Variants in PHKB observed in about 807,000 individuals in gnomAD.
PHKB encodes phosphorylase kinase regulatory subunit beta, also known as phosphorylase b kinase regulatory subunit beta.
In PHKB, 122 loss-of-function variants were observed where a neutral mutation model predicts 152.1. The ratio of observed to expected loss-of-function variants is 0.80; its 90% CI spans 0.69 to 0.93. PHKB has a LOEUF of 0.93. Among genes scored for constraint, PHKB ranks in the 40% least tolerant of loss-of-function variants. The probability of loss-of-function intolerance (pLI) is 0.00; values close to 1 mark genes in which losing one functional copy is unlikely to be tolerated. For missense variants in PHKB, 1,304 were observed against 1,328.4 expected (o/e 0.98, Z 0.29); for synonymous variants, 436 against 464.9 (o/e 0.94, Z 0.80).
intron 13 of PHKB, among the ~76,000 whole-genome samples, chr16:47,598,194 T>C (rs1972156896): frequency 6.6e-6 from 1 of 152,176 alleles, no homozygotes; most frequent in South Asian, 2.1e-4. Flanking sequence ...CAGCCACTTG[T>C]GCTATTTTAT....
rs764531985 is a variant in PHKB at position 47,547,450 on chromosome 16, C to A, written c.612C>A (p.Asn204Lys). Residue 204 changes from asparagine (N) to lysine (K), a missense_variant, in exon 7 of 31, where the codon AAC (asparagine) becomes AAA (lysine). By Grantham distance (94) the Asn-to-Lys change is moderately conservative (BLOSUM62 0). Coordinates refer to ENST00000323584, the MANE Select transcript of PHKB (RefSeq NM_000293.3). ...TCTTTTAGGTCTCTTTTATTCAAAACCTTGTATTTTGTGTGGAAAGAGTTT... is the reference window on the plus strand; with the variant it reads ...TCTTTTAGGTCTCTTTTATTCAAAAACTTGTATTTTGTGTGGAAAGAGTTT... ...YNTDEVSFIQNLVFCVERVYR... is the reference protein window; with the variant it reads ...YNTDEVSFIQKLVFCVERVYR... 8 of 1,606,618 alleles carry A rather than the reference C, an allele frequency of 5.0e-6. No individual in the cohort carries two copies. The highest frequency in any genetic ancestry group is 6.8e-6 in the Non-Finnish European group (8 of 1,173,410).
chr16:47,658,726 ACT>A (rs1409673393), intron 20 of PHKB, among the ~76,000 whole-genome samples: 2 of 151,650 alleles, frequency 1.3e-5, no homozygotes, highest in Non-Finnish European at 2.9e-5. Flanking sequence ...GTGTAAGTAC[ACT>A]CTATGGGTGT....
At chr16:47,485,159 T>C (rs1970028633) in intron 1 of PHKB, among the ~76,000 whole-genome samples, 1 of 152,244 alleles carries the variant, frequency 6.6e-6, no homozygotes, top group African/African-American at 2.4e-5. Context: ...TGTCTTAACA[T>C]ACTTCATTGA....
In PHKB at chr16:47,700,269, G is replaced by C. The variant is rs1974224407; in HGVS notation, c.*903G>C. On this transcript the variant is annotated 3_prime_UTR_variant, in exon 31 of 31. Transcript: ENST00000323584. ...GGAGGCTGAGGCATGAGAATTGCTTGAACCAGGAGACGGAGGTTGCAGTGA... is the reference window on the plus strand; with the variant it reads ...GGAGGCTGAGGCATGAGAATTGCTTCAACCAGGAGACGGAGGTTGCAGTGA... The C allele has an allele frequency of 6.8e-6, 1 of 147,794 alleles. No homozygotes were observed. Among genetic ancestry groups the C allele is most frequent in the African/African-American group, 2.5e-5 (1 of 40,004 alleles). 9.2% of individuals were successfully genotyped at this position (147,794 alleles called of 1,614,324 possible).
At chr16:47,676,522 A>T (rs528547803) in intron 26 of PHKB, 2 of 152,298 alleles carry the variant, frequency 1.3e-5, no homozygotes, top group African/African-American at 4.8e-5. Flanking sequence ...ATTCCCTTGC[A>T]TTGAGTATAC....
chr16:47,587,561 G>A, intron 8 of PHKB, 107 bp from the exon 9 acceptor site: 1 of 751,300 alleles, frequency 1.3e-6, no homozygotes, highest in Admixed American at 2.1e-5. Flanking sequence ...CCACACTCAA[G>A]ATGCAGACAA....
intron 6 of PHKB, among the ~76,000 whole-genome samples, chr16:47,546,274 G>A (rs1971162318): frequency 6.6e-6 from 1 of 152,144 alleles, no homozygotes; most frequent in Non-Finnish European, 1.5e-5. Context: ...TGGGGTTTTG[G>A]TGTGGATGTC....
At chr16:47,691,525 C>T (rs750764308) in intron 27 of PHKB, among the ~76,000 whole-genome samples, 3 of 151,916 alleles carry the variant, frequency 2.0e-5, no homozygotes, top group Non-Finnish European at 4.4e-5. Flanking sequence ...GGCAACATGG[C>T]AAGACCCCAT....
In PHKB at chr16:47,600,511, C is replaced by T. The variant is rs189913820; in HGVS notation, c.1363+3980C>T. Among the ~76,000 whole-genome samples the T allele has an allele frequency of 9.8e-4, 149 of 152,212 alleles. 1 individual carries two copies. Among genetic ancestry groups the T allele is most frequent in the African/African-American group, 3.5e-3 (147 of 41,536 alleles). The stretch of plus-strand genomic sequence containing the variant: ...GACCAGTCTAAAGAAAGCAGAGTAC[C>T]TTTTTGAGCTATTTGCAAAAATAAA... On this transcript the variant is annotated intron_variant, in intron 13 of 30. Transcript: ENST00000323584.
intron 6 of PHKB, among the ~76,000 whole-genome samples, chr16:47,535,074 A>G (rs1458085169): frequency 6.6e-6 from 1 of 152,224 alleles, no homozygotes; most frequent in Non-Finnish European, 1.5e-5. Context: ...GCAGTTACTC[A>G]CTGCAGGTAG....
At chr16:47,597,744 A>C (rs912140492) in intron 13 of PHKB, 1 of 147,142 alleles carries the variant, frequency 6.8e-6, no homozygotes, top group African/African-American at 2.5e-5. Context: ...GATGTTTTGA[A>C]TATAAGCCTA....
chr16:47,557,912 C>T (rs1971405488), intron 7 of PHKB, among the ~76,000 whole-genome samples: 1 of 152,160 alleles, frequency 6.6e-6, no homozygotes, highest in Non-Finnish European at 1.5e-5. Flanking sequence ...ATAAATCATG[C>T]TGCTATAAAG....
At chr16:47,467,485 G>A (rs745656113) in intron 1 of PHKB, among the ~76,000 whole-genome samples, 2 of 152,058 alleles carry the variant, frequency 1.3e-5, no homozygotes, top group Non-Finnish European at 1.5e-5. Context: ...GTTATTTTAC[G>A]TATACTTAAA....
At position 47,560,844 on chromosome 16, in the gene PHKB, T is replaced by A. The variant is rs1370366823; in HGVS notation, c.710+13296T>A. On this transcript the variant is annotated intron_variant, in intron 7 of 30. Coordinates refer to ENST00000323584, the MANE Select transcript of PHKB (RefSeq NM_000293.3). ...ACTCCAAAAATTTATATATTTATTTTATATCAATTGAAAAGTAATAATATG... is the reference window on the plus strand; with the variant it reads ...ACTCCAAAAATTTATATATTTATTTAATATCAATTGAAAAGTAATAATATG... 3.3e-5 allele frequency among the ~76,000 whole-genome samples: 5 copies of A among 152,286 alleles called. No homozygotes were observed. The East Asian group carries it at 9.6e-4, about 29-fold the overall frequency.
intron 9 of PHKB, among the ~76,000 whole-genome samples, chr16:47,588,561 A>G (rs1052189303): frequency 3.9e-5 from 6 of 152,196 alleles, no homozygotes; most frequent in African/African-American, 1.4e-4. Flanking sequence ...AATTTACTCA[A>G]CTAATTGTTG....
intron 20 of PHKB, among the ~76,000 whole-genome samples, chr16:47,659,497 G>A (rs1290709732): frequency 6.6e-6 from 1 of 152,144 alleles, no homozygotes; most frequent in Admixed American, 6.5e-5. Flanking sequence ...ATAATTAGAA[G>A]TGACACATAA....
At chr16:47,684,236 G>A (rs1483240149) in intron 26 of PHKB, among the ~76,000 whole-genome samples, 1 of 151,950 alleles carries the variant, frequency 6.6e-6, no homozygotes, top group Non-Finnish European at 1.5e-5. Context: ...GGGAGGCTGA[G>A]GTGGGAGGAT....
At chr16:47,553,518 C>G (rs1213911833) in intron 7 of PHKB, among the ~76,000 whole-genome samples, 1 of 152,070 alleles carries the variant, frequency 6.6e-6, no homozygotes, top group Non-Finnish European at 1.5e-5. Flanking sequence ...TATTACCCAC[C>G]TTCTGAAGCC....
chr16:47,503,379 C>T (rs1172990727), intron 4 of PHKB, among the ~76,000 whole-genome samples: 1 of 152,178 alleles, frequency 6.6e-6, no homozygotes, highest in Non-Finnish European at 1.5e-5. Flanking sequence ...TCAGGAACCT[C>T]ACAATATCGA....
Sources: allele counts gnomAD v4.1 joint callset (sites outside exome capture counted in the v4.1 genomes callset), GRCh38; gene constraint gnomAD v4.1.1; transcripts MANE v1.5; gene names NCBI Gene and HGNC (gene_info 2026-07-23, HGNC 2026-07-21).